ZNF440: variants seen among roughly 807,000 people sequenced by gnomAD.
The protein encoded by ZNF440 is zinc finger protein 440.
A neutral mutation model predicts 49.7 loss-of-function variants in ZNF440; 47 were observed. The ratio of observed to expected loss-of-function variants is 0.95; its 90% CI spans 0.75 to 1.21. The LOEUF is 1.21. ZNF440 is among the 50% of genes most tolerant of loss of function. The pLI, the probability that ZNF440 is intolerant of heterozygous loss-of-function variation, is 0.00. For synonymous variants in ZNF440, 255 were observed against 237.7 expected, an observed-to-expected ratio of 1.07 and a Z score of -0.67; for missense variants, 703 against 715.0, an observed-to-expected ratio of 0.98 and a Z score of 0.19.
chr19:11,827,473 C>T (rs1424297062), intron 1 of ZNF440: 3 of 152,146 alleles, frequency 2.0e-5, no homozygotes, highest in African/African-American at 7.2e-5. Context: ...TATTTTGTCC[C>T]AGTCTGCCGC....
rs887036535 is a variant in ZNF440, at chr19:11,814,711, A to G, written c.3+261A>G. Among the ~76,000 whole-genome samples, 6 of 152,032 alleles carry G rather than the reference A, an allele frequency of 3.9e-5. No individual in the cohort carries two copies. In the East Asian group the frequency reaches 7.7e-4, roughly 20 times the overall value. On this transcript the variant is annotated intron_variant, in intron 1 of 3. Transcript: ENST00000304060. The stretch of plus-strand genomic sequence containing the variant: ...ACATTATGCGGGGGCCACGGGAGGG[A>G]TATGGGGGGATCCCGCCTCGGATAT...
At position 11,834,638 on chromosome 19, in the gene ZNF440, A is replaced by G. The variant is rs1975995979; in HGVS notation, c.*1674A>G. ...GAAGAGAAAAATTTTGGTCATGTTTATGATTTGAAATACGTTTTCCTCTAT... is the reference window on the plus strand; with the variant it reads ...GAAGAGAAAAATTTTGGTCATGTTTGTGATTTGAAATACGTTTTCCTCTAT... On this transcript the variant is annotated 3_prime_UTR_variant, in exon 4 of 4. Transcript: ENST00000304060. The G allele has an allele frequency of 6.6e-6, 1 of 152,240 alleles. No individual in the cohort carries two copies. Among genetic ancestry groups the G allele is most frequent in the African/African-American group, 2.4e-5 (1 of 41,468 alleles). 9.4% of individuals were successfully genotyped at this position (152,240 alleles called of 1,614,324 possible).
intron 3 of ZNF440, 101 bp from the exon 4 acceptor site, chr19:11,831,267 A>C (rs1975933283): frequency 2.8e-6 from 4 of 1,444,400 alleles, no homozygotes; most frequent in East Asian, 2.3e-5. Flanking sequence ...GAAAGCCTAC[A>C]CTTTGATGGA....
In ZNF440 at chr19:11,832,878, A is replaced by G. The variant is rs143895808; in HGVS notation, c.1702A>G (p.Arg568Gly). 33 of 1,612,514 alleles carry G rather than the reference A, an allele frequency of 2.0e-5. No homozygotes were observed. In the African/African-American group the frequency reaches 4.0e-4, roughly 20 times the overall value. ...FEYVVGHTME[R>G]SPMHVRNVGN... ...ATACGTGGTAGGACACACAATGGAGAGAAGCCCTATGCATGTAAGGAATGT... is the reference window on the plus strand; with the variant it reads ...ATACGTGGTAGGACACACAATGGAGGGAAGCCCTATGCATGTAAGGAATGT... The change falls in exon 4 of 4, where the codon AGA becomes GGA. Residue 568 changes from arginine to glycine, a missense_variant. Coordinates refer to ENST00000304060, the MANE Select transcript of ZNF440 (RefSeq NM_152357.3).
chr19:11,826,958 C>T lies in ZNF440; in HGVS notation c.4-3325C>T, dbSNP rs188246455. On this transcript the variant is annotated intron_variant, in intron 1 of 3. Coordinates refer to ENST00000304060, the MANE Select transcript of ZNF440 (RefSeq NM_152357.3). ...GATTACAGGCATGAGCCACTGCGCC[C>T]GGGCTGTTTTCATTTGCTCTTTAAT... Among the ~76,000 whole-genome samples the T allele has an allele frequency of 3.9e-5, 6 of 152,086 alleles. No homozygotes were observed. The East Asian group carries it at 5.8e-4, about 15-fold the overall frequency.
chr19:11,832,264 G>C lies in ZNF440; in HGVS notation c.1088G>C (p.Ser363Thr), dbSNP rs1173945875. Residue 363 changes from serine (S) to threonine (T), a missense_variant, in exon 4 of 4, where the codon AGT becomes ACT. Transcript: ENST00000304060. Reference protein sequence around the residue: ...NSFQRHEKIHSGEKPYKCKQC... With the variant: ...NSFQRHEKIHTGEKPYKCKQC... Reference sequence around the variant, plus strand: ...TTTCAAAGACATGAAAAAATTCACAGTGGAGAGAAACCCTATAAATGTAAG... The same window carrying C: ...TTTCAAAGACATGAAAAAATTCACACTGGAGAGAAACCCTATAAATGTAAG... The C allele has an allele frequency of 6.2e-7, 1 of 1,614,028 alleles. No homozygotes were observed. The highest frequency in any genetic ancestry group is 8.5e-7 in the Non-Finnish European group (1 of 1,179,988).
rs763928293 is a variant in ZNF440, at chr19:11,832,915, C to T, written c.1739C>T (p.Ser580Leu). 57 of 1,611,790 alleles carry T rather than the reference C, an allele frequency of 3.5e-5. No homozygotes were observed. Among genetic ancestry groups the T allele is most frequent in the Middle Eastern group, 1.6e-4 (1 of 6,076 alleles). Residue 580 changes from serine (S) to leucine (L), a missense_variant, in exon 4 of 4, where the codon TCG becomes TTG. Ser to Leu is a moderately radical substitution (Grantham distance 145). Transcript: ENST00000304060. ...CATGTAAGGAATGTGGGAAACCCTT[C>T]GGATCTGCCCAGAACCTTCGAATTC... ...PMHVRNVGNP[S>L]DLPRTFEFMK... is the part of the protein sequence containing the mutation.
intron 1 of ZNF440, 144 bp from the exon 2 acceptor site, chr19:11,830,139 C>T: frequency 6.8e-7 from 1 of 1,469,680 alleles, no homozygotes; most frequent in Non-Finnish European, 9.1e-7. Context: ...AGTAAGTATA[C>T]ACAGGGAGAA....
intron 1 of ZNF440, among the ~76,000 whole-genome samples, chr19:11,829,774 A>G (rs889030997): frequency 3.3e-5 from 5 of 151,738 alleles, no homozygotes; most frequent in Non-Finnish European, 5.9e-5. Flanking sequence ...AAGAGGTTGT[A>G]GTGAGCCAAG....
At position 11,831,449 on chromosome 19, in the gene ZNF440, A is replaced by G. The variant is rs747414055; in HGVS notation, c.273A>G (p.Arg91=). 8.1e-6 allele frequency: 13 copies of G among 1,613,848 alleles called. No homozygotes were observed. Among genetic ancestry groups the G allele is most frequent in the Admixed American group, 1.7e-5 (1 of 60,004 alleles). ...CTTTTACCCCAGTTCCAGATGACAG[A>G]CTGAACTTCCAGGAGAAGAAAGCTT... ...GETFTPVPDD[R]LNFQEKKASP... Residue 91 remains arginine (R), a synonymous_variant, in exon 4 of 4, where the codon AGA becomes AGG. Coordinates refer to ENST00000304060, the MANE Select transcript of ZNF440 (RefSeq NM_152357.3).
intron 1 of ZNF440, among the ~76,000 whole-genome samples, chr19:11,827,225 G>A (rs930764222): frequency 1.6e-4 from 25 of 151,594 alleles, no homozygotes; most frequent in Admixed American, 2.0e-4. Flanking sequence ...CACCAGGCCC[G>A]GCTAATTTTT....
chr19:11,830,899 A>T (rs1387450509), intron 3 of ZNF440, among the ~76,000 whole-genome samples: 2 of 152,192 alleles, frequency 1.3e-5, no homozygotes, highest in Admixed American at 1.3e-4. Context: ...GCTTGAGGCC[A>T]GCAGTTCAAG....
intron 1 of ZNF440, among the ~76,000 whole-genome samples, chr19:11,820,010 T>C (rs1975779270): frequency 6.6e-6 from 1 of 152,176 alleles, no homozygotes; most frequent in Non-Finnish European, 1.5e-5. Context: ...GCCTGACTCT[T>C]CAAGGGCTTG....
chr19:11,818,857 TG>T (rs988473875), intron 1 of ZNF440, among the ~76,000 whole-genome samples: 46 of 152,332 alleles, frequency 3.0e-4, no homozygotes, highest in African/African-American at 1.1e-3. Flanking sequence ...TAATTCATTA[TG>T]GTTTTTTTTC....
At chr19:11,826,909 C>T (rs912067840) in intron 1 of ZNF440, among the ~76,000 whole-genome samples, 1 of 152,102 alleles carries the variant, frequency 6.6e-6, no homozygotes, top group Admixed American at 6.6e-5. Flanking sequence ...GGTGATCAAC[C>T]TGCCTCAGCT....
Position 11,832,304 on chromosome 19 carries a change from C to T in ZNF440, c.1128C>T (p.Ala376=). The T allele has an allele frequency of 6.2e-7, 1 of 1,614,132 alleles. No individual in the cohort carries two copies. Among genetic ancestry groups the T allele is most frequent in the Admixed American group, 1.7e-5 (1 of 60,024 alleles). The part of the protein sequence containing the change: ...KPYKCKQCGK[A]FPHSSSLRYH... ...ATAAATGTAAGCAGTGTGGTAAAGCCTTCCCTCATTCCAGTTCCCTTCGAT... is the reference window on the plus strand; with the variant it reads ...ATAAATGTAAGCAGTGTGGTAAAGCTTTCCCTCATTCCAGTTCCCTTCGAT... The change falls in exon 4 of 4, where the codon GCC becomes GCT. Residue 376 remains alanine, a synonymous_variant. Transcript: ENST00000304060.
intron 1 of ZNF440, among the ~76,000 whole-genome samples, chr19:11,818,398 T>C (rs941617106): frequency 3.3e-5 from 5 of 152,166 alleles, no homozygotes; most frequent in African/African-American, 1.2e-4. Context: ...TGTTTCTTGT[T>C]AGTCTCAAGA....
chr19:11,827,828 C>G (rs1975885203), intron 1 of ZNF440, among the ~76,000 whole-genome samples: 1 of 152,124 alleles, frequency 6.6e-6, no homozygotes, highest in South Asian at 2.1e-4. Flanking sequence ...GTTGCCCAGG[C>G]TGGTCTCGAA....
intron 1 of ZNF440, among the ~76,000 whole-genome samples, chr19:11,828,231 T>C (rs1975890072): frequency 6.6e-6 from 1 of 152,174 alleles, no homozygotes; most frequent in Admixed American, 6.6e-5. Context: ...TCTCACTCTG[T>C]TGCCCCGGCT....
Sources: gnomAD v4.1 joint callset for allele counts (sites outside exome capture counted in the v4.1 genomes callset) on GRCh38, gnomAD v4.1.1 for gene constraint, MANE v1.5 for transcripts, NCBI Gene and HGNC (gene_info 2026-07-23, HGNC 2026-07-21) for gene names.